The following MARK3 variants were observed in gnomAD, a reference collection of about 807,000 sequenced individuals.
MARK3 encodes microtubule affinity regulating kinase 3, also known as MAP/microtubule affinity-regulating kinase 3.
A neutral mutation model predicts 90.1 loss-of-function variants in MARK3; 46 were observed. The observed-to-expected ratio is 0.51, with a 90% CI of 0.40 to 0.65. The LOEUF is 0.65. Ranked by LOEUF, MARK3 falls within the 30% of genes least tolerant of loss-of-function variation. The pLI is 0.00. For missense variants in MARK3, 818 were observed against 947.2 expected, an observed-to-expected ratio of 0.86 and a Z score of 1.79; for synonymous variants, 321 against 332.6, an observed-to-expected ratio of 0.97 and a Z score of 0.38.
intron 6 of MARK3, among the ~76,000 whole-genome samples, chr14:103,457,698 T>C (rs1398399172): frequency 1.3e-5 from 2 of 152,330 alleles, no homozygotes; most frequent in South Asian, 2.1e-4. Context: ...AGCAAACAGG[T>C]TACTTGACTC....
chr14:103,482,376 C>T (rs571367389), intron 14 of MARK3, among the ~76,000 whole-genome samples: 2 of 152,008 alleles, frequency 1.3e-5, no homozygotes, highest in South Asian at 4.2e-4. Context: ...CGAAAATTAA[C>T]CATGTGTGGT....
At chr14:103,467,804 T>C (rs976913869) in intron 11 of MARK3, 1 of 382,888 alleles carries the variant, frequency 2.6e-6, no homozygotes, top group Admixed American at 4.4e-5. Context: ...TTTAAAGTTA[T>C]TTGAGAAAGC....
At chr14:103,391,927 C>T (rs938682267) in intron 1 of MARK3, among the ~76,000 whole-genome samples, 10 of 152,134 alleles carry the variant, frequency 6.6e-5, no homozygotes, top group African/African-American at 1.9e-4. Context: ...TATGGAGCCA[C>T]GGATACATCC....
intron 12 of MARK3, among the ~76,000 whole-genome samples, chr14:103,469,722 G>T (rs938866646): frequency 6.6e-6 from 1 of 151,990 alleles, no homozygotes; most frequent in African/African-American, 2.4e-5. Context: ...CAAAGTGCTG[G>T]ATTACACGTG....
chr14:103,485,773 C>G (rs1207784781), intron 14 of MARK3, among the ~76,000 whole-genome samples: 2 of 152,128 alleles, frequency 1.3e-5, no homozygotes, highest in Non-Finnish European at 2.9e-5. Flanking sequence ...CTCACAAGCC[C>G]TGTCATCCCA....
At chr14:103,484,082 A>G (rs1009946554) in intron 14 of MARK3, among the ~76,000 whole-genome samples, 41 of 152,074 alleles carry the variant, frequency 2.7e-4, no homozygotes, top group African/African-American at 7.0e-4. Flanking sequence ...AGATACCCGG[A>G]CGACACTGTT....
chr14:103,452,140 T>C, intron 5 of MARK3, 157 bp downstream of exon 5: 1 of 538,560 alleles, frequency 1.9e-6, no homozygotes, highest in South Asian at 2.7e-5. Context: ...TCTTAGCACT[T>C]CTAGGGGTTG....
At chr14:103,402,546 CA>C (rs11445712) in intron 1 of MARK3, among the ~76,000 whole-genome samples, 4,205 of 146,664 alleles carry the variant, frequency 0.029, 216 homozygotes, top group African/African-American at 0.099. Context: ...GACTCCATCT[CA>C]AAAAAAAAAA....
intron 14 of MARK3, among the ~76,000 whole-genome samples, chr14:103,482,367 G>A (rs891464114): frequency 6.6e-6 from 1 of 151,650 alleles, no homozygotes; most frequent in East Asian, 2.0e-4. Flanking sequence ...CTAAAAATAC[G>A]AAAATTAACC....
chr14:103,460,147 G>A (rs985869540), intron 6 of MARK3, among the ~76,000 whole-genome samples: 31 of 126,428 alleles, frequency 2.5e-4, no homozygotes, highest in Non-Finnish European at 3.8e-4. Flanking sequence ...GTGCAGTGGC[G>A]CGATCTCGGC....
chr14:103,432,871 C>G (rs993387725), intron 3 of MARK3, among the ~76,000 whole-genome samples: 4 of 151,882 alleles, frequency 2.6e-5, no homozygotes, highest in Non-Finnish European at 4.4e-5. Flanking sequence ...AAAGCTGAAG[C>G]AAAGAACAAA....
intron 15 of MARK3, among the ~76,000 whole-genome samples, chr14:103,493,231 G>A (rs1167983082): frequency 6.8e-6 from 1 of 146,688 alleles, no homozygotes; most frequent in African/African-American, 2.5e-5. Flanking sequence ...AATAGATTAG[G>A]GAGTATTCCT....
intron 2 of MARK3, among the ~76,000 whole-genome samples, chr14:103,423,111 C>G (rs1290740167): frequency 6.7e-6 from 1 of 149,472 alleles, no homozygotes; most frequent in Non-Finnish European, 1.5e-5. Context: ...CTGTTAAGTC[C>G]CCCAGTGTGT....
chr14:103,407,210 A>G (rs2091354293), intron 2 of MARK3, among the ~76,000 whole-genome samples: 1 of 152,314 alleles, frequency 6.6e-6, no homozygotes, highest in Non-Finnish European at 1.5e-5. Flanking sequence ...TACCTTTAAA[A>G]ATAGGTAATG....
intron 15 of MARK3, among the ~76,000 whole-genome samples, chr14:103,492,960 C>T (rs936932086): frequency 1.3e-5 from 2 of 152,184 alleles, no homozygotes; most frequent in Non-Finnish European, 2.9e-5. Context: ...ATGAGTCTGT[C>T]TGTGGTATCT....
intron 6 of MARK3, 50 bp from the exon 7 acceptor site, chr14:103,462,355 A>T: frequency 7.5e-7 from 1 of 1,328,742 alleles, no homozygotes; most frequent in Non-Finnish European, 1.1e-6. Context: ...TTTTCATCTT[A>T]ATTACGAATC....
chr14:103,484,420 G>A (rs904461655), intron 14 of MARK3, among the ~76,000 whole-genome samples: 1 of 152,082 alleles, frequency 6.6e-6, no homozygotes, highest in Middle Eastern at 3.2e-3. Context: ...TGATCCACCT[G>A]CCTTGGCCTC....
rs575804919 is a variant in MARK3 at position 103,487,007 on chromosome 14, C to T, written c.1587-4770C>T. Among the ~76,000 whole-genome samples the T allele has an allele frequency of 3.3e-5, 5 of 151,980 alleles. No individual in the cohort carries two copies. In the South Asian group the frequency reaches 1.0e-3, roughly 32 times the overall value. On this transcript the variant is annotated intron_variant, in intron 14 of 17. Coordinates refer to ENST00000429436, the MANE Select transcript of MARK3 (RefSeq NM_001128918.3). ...ATCTCAGCTCACTGCAGCTACCACC[C>T]CCGGGTTTAAACGATTCTTATACCT...
intron 1 of MARK3, among the ~76,000 whole-genome samples, chr14:103,404,320 GCAGGAGTTAA>G (rs1216588847): frequency 6.6e-6 from 1 of 152,156 alleles, no homozygotes; most frequent in Non-Finnish European, 1.5e-5. Context: ...CCTCCCTTGG[GCAGGAGTTAA>G]CAGCCACAAT....
Sources: gnomAD v4.1 joint callset for allele counts (sites outside exome capture counted in the v4.1 genomes callset) on GRCh38, gnomAD v4.1.1 for gene constraint, MANE v1.5 for transcripts, NCBI Gene and HGNC (gene_info 2026-07-23, HGNC 2026-07-21) for gene names.